The following SERPINB7 variants were observed in gnomAD, a reference collection of about 807,000 sequenced individuals.
SERPINB7 encodes serpin family B member 7, also known as serpin B7.
SERPINB7 carries 31 observed loss-of-function variants against 37.4 expected under a neutral mutation model. The ratio of observed to expected loss-of-function variants is 0.83; its 90% CI spans 0.62 to 1.12. SERPINB7 has a LOEUF of 1.12. SERPINB7 is among the 50% of genes most tolerant of loss of function. The probability of loss-of-function intolerance (pLI) is 0.00; values close to 1 mark genes in which losing one functional copy is unlikely to be tolerated. For synonymous variants in SERPINB7, 163 were observed against 166.1 expected (o/e 0.98, Z 0.14); for missense variants, 521 against 455.3 (o/e 1.14, Z -1.31).
chr18:63,758,413 A>G (rs2049133791), intron 1 of SERPINB7, among the ~76,000 whole-genome samples: 1 of 152,220 alleles, frequency 6.6e-6, no homozygotes, highest in Non-Finnish European at 1.5e-5. Flanking sequence ...ATCAGGTAAT[A>G]TAAAGTGAAG....
chr18:63,780,673 T>C (rs2049292767), intron 1 of SERPINB7, among the ~76,000 whole-genome samples: 1 of 152,254 alleles, frequency 6.6e-6, no homozygotes, highest in South Asian at 2.1e-4. Flanking sequence ...ACATAGGTGT[T>C]CTTTCTTAGA....
chr18:63,798,516 A>G, intron 5 of SERPINB7, 88 bp from the exon 6 acceptor site: 4 of 1,072,964 alleles, frequency 3.7e-6, no homozygotes, highest in Non-Finnish European at 3.9e-6. Context: ...TGTTAAGAAA[A>G]AAACTTCATA....
intron 2 of SERPINB7, among the ~76,000 whole-genome samples, chr18:63,783,185 A>T (rs1158567857): frequency 4.3e-5 from 3 of 69,032 alleles, no homozygotes; most frequent in African/African-American, 7.5e-5. Context: ...AGAAAGAAAG[A>T]AAGAGAGAGA....
rs539312059 is a variant in SERPINB7 at position 63,757,182 on chromosome 18, T to C, written c.-19+4062T>C. ...CTCTCACTCTGAGTTTCACATTCTTTGTCTAGGAAATTCAATCAGCCACAA... is the reference window on the plus strand; with the variant it reads ...CTCTCACTCTGAGTTTCACATTCTTCGTCTAGGAAATTCAATCAGCCACAA... On this transcript the variant is annotated intron_variant, in intron 1 of 7. Coordinates refer to the SERPINB7 transcript ENST00000336429. Among the ~76,000 whole-genome samples the C allele has an allele frequency of 2.6e-5, 4 of 152,280 alleles. No individual in the cohort carries two copies. The East Asian group carries it at 7.7e-4, about 29-fold the overall frequency.
At chr18:63,788,114 G>A (rs2049391210) in intron 2 of SERPINB7, among the ~76,000 whole-genome samples, 1 of 152,178 alleles carries the variant, frequency 6.6e-6, no homozygotes, top group South Asian at 2.1e-4. Context: ...ATTTTAAAGT[G>A]TACTCCTTCT....
intron 1 of SERPINB7, among the ~76,000 whole-genome samples, chr18:63,779,859 AT>A (rs545749312): frequency 9.5e-4 from 144 of 151,426 alleles, no homozygotes; most frequent in African/African-American, 2.8e-3. Context: ...CAAAAGTATA[AT>A]TTTTTTTTGC....
rs149245737 is a variant in SERPINB7 at position 63,791,857 on chromosome 18, G to A, written c.169-536G>A. 4.8e-3 allele frequency among the ~76,000 whole-genome samples: 727 copies of A among 152,170 alleles called. 33 individuals carry two copies. The East Asian group carries it at 0.11, about 23-fold the overall frequency. On this transcript the variant is annotated intron_variant, in intron 2 of 7. Coordinates refer to ENST00000398019, the MANE Select transcript of SERPINB7 (RefSeq NM_003784.4). ...GATCTCCTGACCTCGTGATCTGCCC[G>A]CCTTGGCCTCCCAAAGTGCTGAGAT...
At chr18:63,783,272 AAG>A (rs1054292583) in intron 2 of SERPINB7, among the ~76,000 whole-genome samples, 1 of 148,334 alleles carries the variant, frequency 6.7e-6, no homozygotes, top group East Asian at 2.0e-4. Context: ...GAAAGAAAGA[AAG>A]AAAGAAAGAA....
intron 1 of SERPINB7, among the ~76,000 whole-genome samples, chr18:63,776,909 C>T (rs375221212): frequency 1.3e-5 from 2 of 151,980 alleles, no homozygotes; most frequent in East Asian, 1.9e-4. Flanking sequence ...AGATATCCCT[C>T]TCCATGTGTT....
chr18:63,795,373 C>A (rs1425046987), intron 4 of SERPINB7, among the ~76,000 whole-genome samples: 1 of 151,930 alleles, frequency 6.6e-6, no homozygotes, highest in African/African-American at 2.4e-5. Flanking sequence ...CCAGCCTGAC[C>A]AACATGGTGA....
intron 1 of SERPINB7, among the ~76,000 whole-genome samples, chr18:63,778,747 A>G (rs538924334): frequency 3.3e-5 from 5 of 152,142 alleles, no homozygotes; most frequent in Admixed American, 6.6e-5. Flanking sequence ...ATATTAGCTA[A>G]AGGATGAAAG....
intron 1 of SERPINB7, among the ~76,000 whole-genome samples, chr18:63,776,225 T>C (rs1052757527): frequency 2.0e-5 from 3 of 152,022 alleles, no homozygotes; most frequent in Non-Finnish European, 4.4e-5. Flanking sequence ...TACATAAAGA[T>C]GAATTCAATA....
intron 7 of SERPINB7, among the ~76,000 whole-genome samples, chr18:63,802,149 G>T (rs2049556359): frequency 6.6e-6 from 1 of 152,144 alleles, no homozygotes; most frequent in Non-Finnish European, 1.5e-5. Flanking sequence ...TTTTGCAAAG[G>T]CAGTTTCATC....
intron 4 of SERPINB7, among the ~76,000 whole-genome samples, chr18:63,794,605 G>C (rs556629825): frequency 6.6e-6 from 1 of 152,114 alleles, no homozygotes; most frequent in Non-Finnish European, 1.5e-5. Context: ...CAGGAGAATG[G>C]CATGAACCCA....
intron 1 of SERPINB7, chr18:63,777,737 G>C (rs897735689): frequency 6.6e-6 from 1 of 152,146 alleles, no homozygotes; most frequent in African/African-American, 2.4e-5. Flanking sequence ...GGGAGTGTCT[G>C]AGTCAGAGGC....
intron 5 of SERPINB7, among the ~76,000 whole-genome samples, chr18:63,797,797 C>G (rs568109169): frequency 6.6e-6 from 1 of 152,276 alleles, no homozygotes; most frequent in East Asian, 1.9e-4. Context: ...CAATTCTTAC[C>G]AGACATTCAA....
chr18:63,770,052 C>CT (rs373624242), intron 1 of SERPINB7, among the ~76,000 whole-genome samples: 1 of 148,406 alleles, frequency 6.7e-6, no homozygotes, highest in African/African-American at 2.5e-5. Context: ...GCCGCTTCTG[C>CT]TTGTGTTTGC....
chr18:63,767,643 T>G (rs950273707), intron 1 of SERPINB7, among the ~76,000 whole-genome samples: 1 of 152,100 alleles, frequency 6.6e-6, no homozygotes, highest in Non-Finnish European at 1.5e-5. Flanking sequence ...TTTTATATAT[T>G]GCTGGTTTGA....
At chr18:63,787,939 G>A (rs780867031) in intron 2 of SERPINB7, among the ~76,000 whole-genome samples, 6 of 152,198 alleles carry the variant, frequency 3.9e-5, no homozygotes, top group African/African-American at 7.2e-5. Context: ...TAATATCATA[G>A]CGAAATGCAT....
Sources: gnomAD v4.1 joint callset for allele counts (sites outside exome capture counted in the v4.1 genomes callset) on GRCh38, gnomAD v4.1.1 for gene constraint, MANE v1.5 for transcripts, NCBI Gene and HGNC (gene_info 2026-07-23, HGNC 2026-07-21) for gene names.